The following ESRRG variants were observed in gnomAD, a reference collection of about 807,000 sequenced individuals.
ESRRG encodes the protein estrogen-related receptor gamma.
ESRRG carries 13 observed loss-of-function variants against 44.0 expected under a neutral mutation model. The observed-to-expected ratio is 0.30, with a 90% CI of 0.19 to 0.47. The LOEUF is 0.47. Ranked by LOEUF, ESRRG falls within the 20% of genes least tolerant of loss-of-function variation. The probability of loss-of-function intolerance (pLI) is 1.00; values close to 1 mark genes in which losing one functional copy is unlikely to be tolerated. For missense variants in ESRRG, 395 were observed against 580.6 expected (o/e 0.68, Z 3.29); for synonymous variants, 215 against 214.6 (o/e 1.00, Z -0.02).
At chr1:216,960,675 T>C (rs2068862967) in intron 1 of ESRRG, among the ~76,000 whole-genome samples, 1 of 152,124 alleles carries the variant, frequency 6.6e-6, no homozygotes, top group Admixed American at 6.6e-5. Context: ...AGCCTTGAAC[T>C]CTTGAGCCCA....
chr1:216,596,822 A>G (rs1192898754), intron 3 of ESRRG, among the ~76,000 whole-genome samples: 1 of 152,176 alleles, frequency 6.6e-6, no homozygotes, highest in Admixed American at 6.5e-5. Context: ...GACTTGGGCC[A>G]AATCTGATCT....
At chr1:216,599,337 G>A (rs1217226833) in intron 3 of ESRRG, among the ~76,000 whole-genome samples, 1 of 152,276 alleles carries the variant, frequency 6.6e-6, no homozygotes, top group African/African-American at 2.4e-5. Flanking sequence ...ACTTTACACA[G>A]TGTACTTTCC....
At chr1:216,616,849 T>G (rs1425348616) in intron 3 of ESRRG, among the ~76,000 whole-genome samples, 1 of 152,182 alleles carries the variant, frequency 6.6e-6, no homozygotes, top group Admixed American at 6.5e-5. Flanking sequence ...TTATTAACTT[T>G]AAAATCTTCC....
chr1:217,028,671 A>G (rs1006833676), intron 1 of ESRRG, among the ~76,000 whole-genome samples: 48 of 152,228 alleles, frequency 3.2e-4, no homozygotes, highest in South Asian at 2.1e-4. Flanking sequence ...GGCAAAGAAT[A>G]TTTTCAAATT....
intron 3 of ESRRG, among the ~76,000 whole-genome samples, chr1:216,637,316 C>A (rs1365993139): frequency 6.6e-6 from 1 of 152,136 alleles, no homozygotes; most frequent in Non-Finnish European, 1.5e-5. Context: ...ACATTCTAGT[C>A]CTGCAAAGAG....
At chr1:216,724,533 C>A (rs1424179199), upstream of ESRRG, among the ~76,000 whole-genome samples, 4 of 151,936 alleles carry the variant, frequency 2.6e-5, 1 homozygote, top group South Asian at 6.2e-4. Context: ...ACATTTGTTT[C>A]TATACATAAG....
chr1:216,970,789 C>T (rs1184197460), intron 1 of ESRRG, among the ~76,000 whole-genome samples: 1 of 152,182 alleles, frequency 6.6e-6, no homozygotes, highest in Non-Finnish European at 1.5e-5. Flanking sequence ...ATACCTTACT[C>T]TTCTCAAAAT....
intron 5 of ESRRG, among the ~76,000 whole-genome samples, chr1:216,547,985 C>A (rs2055069710): frequency 6.6e-6 from 1 of 152,004 alleles, no homozygotes; most frequent in South Asian, 2.1e-4. Flanking sequence ...GGGTTCCTGG[C>A]AATTGCTGCT....
intron 2 of ESRRG, among the ~76,000 whole-genome samples, chr1:216,829,784 C>A (rs553545975): frequency 6.6e-6 from 1 of 152,138 alleles, no homozygotes; most frequent in South Asian, 2.1e-4. Context: ...AAACTCCTGA[C>A]CTCGAATGAT....
At chr1:216,571,707 A>G (rs2060844518) in intron 3 of ESRRG, among the ~76,000 whole-genome samples, 1 of 152,060 alleles carries the variant, frequency 6.6e-6, no homozygotes, top group South Asian at 2.1e-4. Context: ...TATCCTAGCT[A>G]TACACCTATC....
chr1:217,109,147 G>A (rs2092632894), intron 1 of ESRRG, among the ~76,000 whole-genome samples: 1 of 152,088 alleles, frequency 6.6e-6, no homozygotes, highest in Non-Finnish European at 1.5e-5. Context: ...TGAGAGCAAA[G>A]TATCAGCTGG....
At chr1:216,822,673 T>C (rs559648550) in intron 2 of ESRRG, among the ~76,000 whole-genome samples, 1 of 152,304 alleles carries the variant, frequency 6.6e-6, no homozygotes, top group Non-Finnish European at 1.5e-5. Flanking sequence ...GGTTCCTTCA[T>C]TTGTTTATAT....
At chr1:216,770,697 C>A in intron 2 of ESRRG, among the ~76,000 whole-genome samples, 1 of 151,734 alleles carries the variant, frequency 6.6e-6, no homozygotes, top group Non-Finnish European at 1.5e-5. Context: ...TTTAAAAAAC[C>A]ACATTTTAAG....
intron 1 of ESRRG, among the ~76,000 whole-genome samples, chr1:217,009,702 CTTT>C (rs11325118): frequency 9.4e-6 from 1 of 106,386 alleles, no homozygotes. Context: ...TTTTCTTTTT[CTTT>C]TTTTTTTTTT....
intron 2 of ESRRG, among the ~76,000 whole-genome samples, chr1:216,879,474 A>T (rs2096407792): frequency 6.8e-6 from 1 of 146,930 alleles, no homozygotes; most frequent in African/African-American, 2.6e-5. Flanking sequence ...TGAGGGGAAA[A>T]AAAGGCCACC....
intron 1 of ESRRG, among the ~76,000 whole-genome samples, chr1:217,098,907 A>G (rs570285087): frequency 6.6e-6 from 1 of 152,118 alleles, no homozygotes; most frequent in Non-Finnish European, 1.5e-5. Flanking sequence ...CTTAGGGAGG[A>G]CTACCTATGT....
At position 217,105,381 on chromosome 1, in the gene ESRRG, G is replaced by C. The variant is rs79723521; in HGVS notation, c.-230+32286C>G. ...ACAAGGTAGTCACTGTCTTCTAATA[G>C]ACTTTGTAGAGGTTGGAGTTCAGAG... On this transcript the variant is annotated intron_variant, in intron 1 of 8. Coordinates refer to the ESRRG transcript ENST00000366940. Among the ~76,000 whole-genome samples, 3 of 152,156 alleles carry C rather than the reference G, an allele frequency of 2.0e-5. No individual in the cohort carries two copies. In the East Asian group the frequency reaches 5.8e-4, roughly 29 times the overall value.
At chr1:216,786,825 C>G (rs961879225) in intron 2 of ESRRG, among the ~76,000 whole-genome samples, 1 of 152,090 alleles carries the variant, frequency 6.6e-6, no homozygotes, top group Admixed American at 6.6e-5. Flanking sequence ...GAAATACACA[C>G]TAAGTGTCTA....
At chr1:216,905,453 C>G (rs764628225) in intron 2 of ESRRG, among the ~76,000 whole-genome samples, 56 of 152,324 alleles carry the variant, frequency 3.7e-4, no homozygotes, top group Non-Finnish European at 5.7e-4. Flanking sequence ...AAGGTTACCC[C>G]TTAAAGTTCA....
Sources: allele counts gnomAD v4.1 joint callset (sites outside exome capture counted in the v4.1 genomes callset), GRCh38; gene constraint gnomAD v4.1.1; transcripts MANE v1.5; gene names NCBI Gene and HGNC (gene_info 2026-07-23, HGNC 2026-07-21).